The following FAF1 variants were observed in gnomAD, a reference collection of about 807,000 sequenced individuals.
The protein encoded by FAF1 is Fas associated factor 1.
FAF1 carries 25 observed loss-of-function variants against 92.5 expected under a neutral mutation model. The observed-to-expected ratio is 0.27, with a 90% CI of 0.20 to 0.38. The LOEUF is 0.38. FAF1 is among the 10% of genes least tolerant of loss of function. The pLI is 1.00. For missense variants in FAF1, 636 were observed against 793.3 expected, an observed-to-expected ratio of 0.80 and a Z score of 2.38; for synonymous variants, 234 against 273.2, an observed-to-expected ratio of 0.86 and a Z score of 1.42.
At chr1:50,660,903 T>C (rs896127701) in intron 7 of FAF1, among the ~76,000 whole-genome samples, 2 of 152,148 alleles carry the variant, frequency 1.3e-5, no homozygotes, top group Non-Finnish European at 1.5e-5. Context: ...CATGATCGTT[T>C]CTGATTTTCA....
intron 8 of FAF1, among the ~76,000 whole-genome samples, chr1:50,617,977 T>C (rs1653006324): frequency 1.3e-5 from 2 of 152,242 alleles, no homozygotes; most frequent in South Asian, 2.1e-4. Flanking sequence ...AGATCTTTTG[T>C]ATTTCTGTGG....
intron 7 of FAF1, among the ~76,000 whole-genome samples, chr1:50,671,369 C>A (rs1457931352): frequency 3.3e-5 from 5 of 151,158 alleles, no homozygotes; most frequent in Non-Finnish European, 7.4e-5. Context: ...CATGCCACTG[C>A]ACTCCAGCCT....
intron 7 of FAF1, among the ~76,000 whole-genome samples, chr1:50,675,916 ATGT>A (rs1446825415): frequency 1.3e-5 from 2 of 152,216 alleles, no homozygotes; most frequent in Non-Finnish European, 2.9e-5. Context: ...GGTACTGTGC[ATGT>A]TACTCTATTT....
intron 6 of FAF1, among the ~76,000 whole-genome samples, chr1:50,727,058 C>T (rs1220397392): frequency 6.6e-6 from 1 of 152,192 alleles, no homozygotes; most frequent in Non-Finnish European, 1.5e-5. Context: ...AGCCATACCC[C>T]CATATTCTTC....
At chr1:50,492,921 G>A (rs1646856237) in intron 15 of FAF1, among the ~76,000 whole-genome samples, 1 of 151,932 alleles carries the variant, frequency 6.6e-6, no homozygotes, top group South Asian at 2.1e-4. Context: ...ATAAAAATTA[G>A]AAAGAATTAG....
At position 50,566,566 on chromosome 1, in the gene FAF1, G is replaced by A. The variant is rs72899000; in HGVS notation, c.1268+511C>T. Among the ~76,000 whole-genome samples the A allele has an allele frequency of 6.5e-3, 987 of 151,862 alleles. 19 individuals carry two copies. Among genetic ancestry groups the A allele is most frequent in the African/African-American group, 0.023 (943 of 41,496 alleles). ...GGAAAGGAATTTTTTTTTCCCTATTGAGAATATGGATGTATTGTTGGCTGT... is the reference window on the plus strand; with the variant it reads ...GGAAAGGAATTTTTTTTTCCCTATTAAGAATATGGATGTATTGTTGGCTGT... On this transcript the variant is annotated intron_variant, in intron 13 of 18. Transcript: ENST00000396153.
chr1:50,928,323 CT>C (rs1645021683), intron 1 of FAF1, among the ~76,000 whole-genome samples: 1 of 152,118 alleles, frequency 6.6e-6, no homozygotes, highest in Non-Finnish European at 1.5e-5. Flanking sequence ...ATGAAAGTCT[CT>C]TGAGTATATG....
intron 5 of FAF1, among the ~76,000 whole-genome samples, chr1:50,742,681 G>A (rs1165994901): frequency 6.6e-6 from 1 of 152,228 alleles, no homozygotes; most frequent in Non-Finnish European, 1.5e-5. Context: ...ACTCCACCCA[G>A]CTGACTGATT....
At position 50,596,112 on chromosome 1, in the gene FAF1, C is replaced by G; in HGVS notation, c.840+9G>C. ...TTCTGTTCAAAGAAAAGCTGGCAAA[C>G]AGGCTTACTTCTTCCGACTGTTCCC... On this transcript the variant is annotated intron_variant, in intron 9 of 18. Transcript: ENST00000396153. The G allele has an allele frequency of 6.2e-7, 1 of 1,605,054 alleles. No individual in the cohort carries two copies. The highest frequency in any genetic ancestry group is 8.5e-7 in the Non-Finnish European group (1 of 1,174,308).
intron 17 of FAF1, among the ~76,000 whole-genome samples, chr1:50,479,096 T>G (rs1478141483): frequency 6.6e-6 from 1 of 152,186 alleles, no homozygotes; most frequent in Non-Finnish European, 1.5e-5. Flanking sequence ...AACATAGGTT[T>G]TGGGGTATGA....
At chr1:50,688,883 C>T (rs1236083081) in intron 7 of FAF1, among the ~76,000 whole-genome samples, 1 of 151,770 alleles carries the variant, frequency 6.6e-6, no homozygotes, top group East Asian at 1.9e-4. Flanking sequence ...CATGAATGAA[C>T]CTTGAAAACA....
intron 1 of FAF1, among the ~76,000 whole-genome samples, chr1:50,953,200 T>C (rs1645234738): frequency 6.6e-6 from 1 of 151,970 alleles, no homozygotes; most frequent in Non-Finnish European, 1.5e-5. Flanking sequence ...GGCAGCATGC[T>C]CCTTAAGAGT....
intron 8 of FAF1, among the ~76,000 whole-genome samples, chr1:50,599,953 T>A (rs928975057): frequency 2.0e-4 from 31 of 152,168 alleles, no homozygotes; most frequent in African/African-American, 7.2e-4. Context: ...AAATCCAAAA[T>A]CTGAAATGCT....
At chr1:50,922,187 A>G (rs1476523127) in intron 1 of FAF1, among the ~76,000 whole-genome samples, 1 of 140,334 alleles carries the variant, frequency 7.1e-6, no homozygotes, top group Admixed American at 7.1e-5. Context: ...GGCCAGGCGC[A>G]GTGGCTCACA....
At chr1:50,500,943 A>T (rs1162408275) in intron 15 of FAF1, among the ~76,000 whole-genome samples, 1 of 152,200 alleles carries the variant, frequency 6.6e-6, no homozygotes, top group African/African-American at 2.4e-5. Context: ...CTAGTGAATT[A>T]TCGTGATATA....
At chr1:50,799,501 C>A (rs1335651243) in intron 3 of FAF1, among the ~76,000 whole-genome samples, 1 of 151,254 alleles carries the variant, frequency 6.6e-6, no homozygotes, top group Non-Finnish European at 1.5e-5. Context: ...GCTCTTCTTT[C>A]TCTTAAAAAA....
intron 4 of FAF1, chr1:50,780,591 T>C (rs1661137827): frequency 1.0e-5 from 2 of 197,192 alleles, no homozygotes; most frequent in Non-Finnish European, 2.1e-5. Flanking sequence ...AGCAAAAATT[T>C]ACAGAATGTC....
At chr1:50,769,797 T>A (rs1209396545) in intron 4 of FAF1, among the ~76,000 whole-genome samples, 1 of 152,180 alleles carries the variant, frequency 6.6e-6, no homozygotes, top group South Asian at 2.1e-4. Flanking sequence ...ACGTCTATGA[T>A]CCCAGCACTT....
At position 50,879,675 on chromosome 1, in the gene FAF1, G is replaced by A. The variant is rs1644596589; in HGVS notation, c.46-21678C>T. Among the ~76,000 whole-genome samples the A allele has an allele frequency of 2.0e-5, 3 of 152,084 alleles. 1 individual carries two copies. In the South Asian group the frequency reaches 6.2e-4, roughly 32 times the overall value. Reference sequence around the variant, plus strand: ...GGCTAGGTAGGTACCTCAAATTTGTGGTTCTCAAAGTGTTGTTCCTAGACC... The same window carrying A: ...GGCTAGGTAGGTACCTCAAATTTGTAGTTCTCAAAGTGTTGTTCCTAGACC... On this transcript the variant is annotated intron_variant, in intron 1 of 18. Transcript: ENST00000396153.
Sources: gnomAD v4.1 joint callset for allele counts (sites outside exome capture counted in the v4.1 genomes callset) on GRCh38, gnomAD v4.1.1 for gene constraint, MANE v1.5 for transcripts, NCBI Gene and HGNC (gene_info 2026-07-23, HGNC 2026-07-21) for gene names.